The following TSPAN15 variants were observed in gnomAD, a reference collection of about 807,000 sequenced individuals.
The protein encoded by TSPAN15 is tetraspanin 15.
In TSPAN15, 20 loss-of-function variants were observed where a neutral mutation model predicts 34.5. The observed-to-expected ratio is 0.58, with a 90% CI of 0.41 to 0.84. The LOEUF is 0.84. Among genes scored for constraint, TSPAN15 ranks in the 40% least tolerant of loss-of-function variants. The pLI is 0.00. For synonymous variants in TSPAN15, 155 were observed against 153.9 expected, an observed-to-expected ratio of 1.01 and a Z score of -0.05; for missense variants, 313 against 386.1, an observed-to-expected ratio of 0.81 and a Z score of 1.59.
intron 5 of TSPAN15, among the ~76,000 whole-genome samples, chr10:69,500,843 T>G (rs1428150574): frequency 6.6e-6 from 1 of 152,052 alleles, no homozygotes; most frequent in African/African-American, 2.4e-5. Flanking sequence ...AAATTAATGA[T>G]CACATGAAGT....
At chr10:69,539,527 AAGAAGAAGAAGGAGAAGG>A in the TSPAN15 span, among the ~76,000 whole-genome samples, 4,947 of 90,654 alleles carry the variant, frequency 0.055, 226 homozygotes, top group Middle Eastern at 0.098. Flanking sequence ...GAAGAAGAAG[AAGAAGAAGAAGGAGAAGG>A]AGAAGGAGAA....
At chr10:69,509,699 G>T (rs62375466), downstream of TSPAN15, among the ~76,000 whole-genome samples, 14,641 of 152,158 alleles carry the variant, frequency 0.096, 839 homozygotes, top group South Asian at 0.13. Context: ...TTTTCTTCTA[G>T]GGTTTTTATG....
At position 69,506,150 on chromosome 10, in the gene TSPAN15, C is replaced by G; in HGVS notation, c.645C>G (p.Tyr215Ter). 6.2e-7 allele frequency: 1 copy of G among 1,614,112 alleles called. No individual in the cohort carries two copies. Among genetic ancestry groups the G allele is most frequent in the Non-Finnish European group, 8.5e-7 (1 of 1,179,972 alleles). The change falls in exon 7 of 8, where the codon TAC (tyrosine) becomes TAG (stop). Residue 215 changes from tyrosine (Y) to a stop codon, truncating the protein, a stop_gained. Coordinates refer to ENST00000373290, the MANE Select transcript of TSPAN15 (RefSeq NM_012339.5). LOFTEE classifies it high-confidence loss of function. The surrounding 1 kb of genome is among the most constrained non-coding windows in gnomAD (Gnocchi z 4.7). The stretch of plus-strand genomic sequence containing the variant: ...GTTTCAGTGTGCAGGATGTCATCTA[C>G]GTGCGGGGCTGCACCAACGCCGTGA... ...KERFSVQDVI[Y>*]VRGCTNAVII... is the part of the protein sequence containing the mutation.
chr10:69,464,956 C>T (rs929387591), intron 1 of TSPAN15, among the ~76,000 whole-genome samples: 1 of 152,216 alleles, frequency 6.6e-6, no homozygotes, highest in African/African-American at 2.4e-5. Context: ...TCTGCAGGGT[C>T]AGAACCCAGG....
intron 1 of TSPAN15, among the ~76,000 whole-genome samples, chr10:69,477,887 G>C (rs142487974): frequency 2.5e-4 from 38 of 152,302 alleles, no homozygotes. Context: ...GATGTTTGAG[G>C]GGGTATGTTG....
chr10:69,468,534 A>G (rs1333854739), intron 1 of TSPAN15, among the ~76,000 whole-genome samples: 1 of 147,556 alleles, frequency 6.8e-6, no homozygotes, highest in African/African-American at 2.5e-5. Context: ...TTTTTTTTTG[A>G]AAAAGTTAAA....
the TSPAN15 span, among the ~76,000 whole-genome samples, chr10:69,521,786 G>C: frequency 6.8e-6 from 1 of 147,256 alleles, no homozygotes. Context: ...GACTCAGACT[G>C]AATTACATCA....
At chr10:69,460,177 C>G (rs1841219636) in intron 1 of TSPAN15, among the ~76,000 whole-genome samples, 1 of 151,924 alleles carries the variant, frequency 6.6e-6, no homozygotes, top group African/African-American at 2.4e-5. Flanking sequence ...GCTGGTCTGA[C>G]CCCTAGGGTG....
At chr10:69,456,769 C>G (rs552059734) in intron 1 of TSPAN15, among the ~76,000 whole-genome samples, 1 of 152,126 alleles carries the variant, frequency 6.6e-6, no homozygotes, top group Non-Finnish European at 1.5e-5. Flanking sequence ...TCGGAGGGGT[C>G]GAAAGGGCAT....
In TSPAN15 at chr10:69,495,621, C is replaced by G. The variant is rs777109697; in HGVS notation, c.385C>G (p.Arg129Gly). The stretch of plus-strand genomic sequence containing the variant: ...CATTGACTTCCTGAACGACAACATT[C>G]GAAGAGGAATTGAGAACTACTATGA... Reference protein sequence around the residue: ...QTIDFLNDNIRRGIENYYDDL... With the variant: ...QTIDFLNDNIGRGIENYYDDL... The change falls in exon 4 of 8, where the codon CGA (arginine) becomes GGA (glycine). Residue 129 changes from arginine (R) to glycine (G), a missense_variant. Coordinates refer to ENST00000373290, the MANE Select transcript of TSPAN15 (RefSeq NM_012339.5). 1.2e-6 allele frequency: 2 copies of G among 1,613,488 alleles called. No individual in the cohort carries two copies. Among genetic ancestry groups the G allele is most frequent in the East Asian group, 2.2e-5 (1 of 44,896 alleles).
intron 1 of TSPAN15, among the ~76,000 whole-genome samples, chr10:69,459,206 A>G (rs1227252739): frequency 8.0e-6 from 1 of 124,484 alleles, no homozygotes; most frequent in Non-Finnish European, 1.9e-5. Context: ...AGGCAGGAGC[A>G]TTCAGTCTTA....
downstream of TSPAN15, among the ~76,000 whole-genome samples, chr10:69,510,276 C>T (rs1359604064): frequency 1.3e-5 from 2 of 152,170 alleles, no homozygotes; most frequent in Non-Finnish European, 2.9e-5. Flanking sequence ...TTGTAGTTCT[C>T]CTTGAAGAGG....
the TSPAN15 span, among the ~76,000 whole-genome samples, chr10:69,520,893 G>A: frequency 6.6e-6 from 1 of 152,114 alleles, no homozygotes; most frequent in Non-Finnish European, 1.5e-5. Context: ...TTGAAGAACT[G>A]CTGAGCTGTT....
chr10:69,513,932 C>T, the TSPAN15 span, among the ~76,000 whole-genome samples: 1 of 152,184 alleles, frequency 6.6e-6, no homozygotes, highest in Non-Finnish European at 1.5e-5. Context: ...ACGTTTTGGT[C>T]AATGTTGTAT....
At chr10:69,491,351 A>G (rs2133128721) in intron 3 of TSPAN15, among the ~76,000 whole-genome samples, 1 of 152,302 alleles carries the variant, frequency 6.6e-6, no homozygotes, top group Non-Finnish European at 1.5e-5. Flanking sequence ...TCCTGGGCCA[A>G]GCACCTCTCC....
At chr10:69,490,176 A>G (rs1841938708) in intron 3 of TSPAN15, among the ~76,000 whole-genome samples, 1 of 152,146 alleles carries the variant, frequency 6.6e-6, no homozygotes, top group Admixed American at 6.5e-5. Flanking sequence ...CACTGGCACA[A>G]GCTGGCTCTG....
chr10:69,499,611 G>C (rs1207128296), intron 5 of TSPAN15, among the ~76,000 whole-genome samples: 1 of 152,208 alleles, frequency 6.6e-6, no homozygotes, highest in Non-Finnish European at 1.5e-5. Context: ...AGGTTCTGGG[G>C]GTGTAGCAAA....
the TSPAN15 span, among the ~76,000 whole-genome samples, chr10:69,531,990 G>A: frequency 4.7e-4 from 69 of 146,948 alleles, no homozygotes; most frequent in Non-Finnish European, 9.5e-4. Flanking sequence ...GAAGATGAAA[G>A]ACCTCTACAA....
chr10:69,544,383 G>A, the TSPAN15 span, among the ~76,000 whole-genome samples: 1 of 152,178 alleles, frequency 6.6e-6, no homozygotes, highest in African/African-American at 2.4e-5. Context: ...TGGGCTCTCT[G>A]GGGTGGAGGG....
Sources: gnomAD v4.1 joint callset for allele counts (sites outside exome capture counted in the v4.1 genomes callset) on GRCh38, gnomAD v4.1.1 for gene constraint, Gnocchi (gnomAD v3.1) non-coding constraint, MANE v1.5 for transcripts, NCBI Gene and HGNC (gene_info 2026-07-23, HGNC 2026-07-21) for gene names.